Variants in PLCE1 observed in about 807,000 individuals in gnomAD.
PLCE1 encodes phospholipase C epsilon 1, also known as 1-phosphatidylinositol 4,5-bisphosphate phosphodiesterase epsilon-1.
A neutral mutation model predicts 242.8 loss-of-function variants in PLCE1; 119 were observed. The ratio of observed to expected loss-of-function variants is 0.49; its 90% CI spans 0.42 to 0.57. The LOEUF (loss-of-function observed/expected upper bound fraction) is 0.57. Among genes scored for constraint, PLCE1 ranks in the 20% least tolerant of loss-of-function variants. PLCE1 has a pLI of 0.00. For synonymous variants in PLCE1, 945 were observed against 1,017.4 expected, an observed-to-expected ratio of 0.93 and a Z score of 1.35; for missense variants, 2,441 against 2,788.8, an observed-to-expected ratio of 0.88 and a Z score of 2.81.
In PLCE1 at chr10:94,246,637, A is replaced by C; in HGVS notation, c.3096+16A>C. On this transcript the variant is annotated intron_variant, in intron 8 of 32. Transcript: ENST00000371380. Reference sequence around the variant, plus strand: ...CCTTTATCAGGTAAGGGGTGCAGCCATCCCTCTTTCCTCACTGGCATAATA... The same window carrying C: ...CCTTTATCAGGTAAGGGGTGCAGCCCTCCCTCTTTCCTCACTGGCATAATA... 1.9e-6 allele frequency: 3 copies of C among 1,609,980 alleles called. No individual in the cohort carries two copies. The highest frequency in any genetic ancestry group is 2.5e-6 in the Non-Finnish European group (3 of 1,177,802).
At chr10:94,054,651 T>C (rs902074978) in intron 2 of PLCE1, among the ~76,000 whole-genome samples, 4 of 152,206 alleles carry the variant, frequency 2.6e-5, no homozygotes, top group African/African-American at 7.2e-5. Flanking sequence ...CATTCCCTTA[T>C]AGTGCTTTAC....
At chr10:94,100,923 G>A (rs1321466495) in intron 2 of PLCE1, among the ~76,000 whole-genome samples, 3 of 152,152 alleles carry the variant, frequency 2.0e-5, no homozygotes, top group African/African-American at 7.2e-5. Flanking sequence ...CCTCCAGGAA[G>A]CATTTAGAGA....
At chr10:94,197,168 A>C (rs1564779286) in intron 4 of PLCE1, among the ~76,000 whole-genome samples, 1 of 152,200 alleles carries the variant, frequency 6.6e-6, no homozygotes, top group African/African-American at 2.4e-5. Context: ...ATGAATCAGT[A>C]CTTCATTTCT....
At chr10:94,294,479 G>A (rs542556566) in intron 23 of PLCE1, among the ~76,000 whole-genome samples, 7 of 152,168 alleles carry the variant, frequency 4.6e-5, no homozygotes, top group East Asian at 1.9e-4. Context: ...GGCATACTTC[G>A]GAGATATTGC....
intron 2 of PLCE1, among the ~76,000 whole-genome samples, chr10:94,077,276 A>T (rs1028324137): frequency 6.6e-6 from 1 of 152,182 alleles, no homozygotes; most frequent in Non-Finnish European, 1.5e-5. Flanking sequence ...ACTGGCATCT[A>T]ATGGGTAGTG....
chr10:94,061,599 C>T (rs2044057767), intron 2 of PLCE1, among the ~76,000 whole-genome samples: 1 of 151,902 alleles, frequency 6.6e-6, no homozygotes, highest in Admixed American at 6.6e-5. Flanking sequence ...ATAGTCCCAG[C>T]ACTTTAGGAG....
intron 20 of PLCE1, 94 bp downstream of exon 20, chr10:94,280,005 C>T (rs975204900): frequency 8.0e-7 from 1 of 1,251,252 alleles, no homozygotes; most frequent in African/African-American, 1.5e-5. Context: ...CGCCAAAGAC[C>T]AGTAATACGG....
chr10:94,052,751 C>T (rs1191888033), intron 2 of PLCE1, among the ~76,000 whole-genome samples: 3 of 152,140 alleles, frequency 2.0e-5, no homozygotes, highest in Admixed American at 6.5e-5. Context: ...AGGTAGTGAG[C>T]ATCATATCTC....
At chr10:94,071,494 C>CATTTTTTTTT (rs2044351149) in intron 2 of PLCE1, among the ~76,000 whole-genome samples, 2 of 69,212 alleles carry the variant, frequency 2.9e-5, no homozygotes, top group African/African-American at 2.3e-4. Context: ...GTTTGGTTTT[C>CATTTTTTTTT]GTTTTTTTTT....
At chr10:94,185,353 A>G (rs2048440940) in intron 4 of PLCE1, among the ~76,000 whole-genome samples, 1 of 152,214 alleles carries the variant, frequency 6.6e-6, no homozygotes, top group African/African-American at 2.4e-5. Context: ...AAAATTAGCC[A>G]GGCATGGTAG....
chr10:94,130,949 C>G (rs2046582356), intron 2 of PLCE1, among the ~76,000 whole-genome samples: 1 of 152,184 alleles, frequency 6.6e-6, no homozygotes, highest in Non-Finnish European at 1.5e-5. Flanking sequence ...AGGAGGTGAC[C>G]TTCATTTCCA....
intron 1 of PLCE1, among the ~76,000 whole-genome samples, chr10:94,029,538 G>A (rs1246758597): frequency 6.6e-6 from 1 of 152,134 alleles, no homozygotes; most frequent in Non-Finnish European, 1.5e-5. Flanking sequence ...TTGTTAGGAT[G>A]TTGAGCTAGG....
At chr10:94,004,201 G>A (rs1480099331) in intron 1 of PLCE1, among the ~76,000 whole-genome samples, 1 of 151,852 alleles carries the variant, frequency 6.6e-6, no homozygotes, top group African/African-American at 2.4e-5. Flanking sequence ...TTCCTCCCAA[G>A]ACAGGCAGAA....
chr10:94,164,872 A>C (rs538632367), intron 3 of PLCE1, among the ~76,000 whole-genome samples: 1 of 152,294 alleles, frequency 6.6e-6, no homozygotes, highest in East Asian at 1.9e-4. Flanking sequence ...CCTCAGCTGC[A>C]GGTCTGTTGG....
chr10:94,288,563 G>T (rs1258193728), intron 22 of PLCE1, among the ~76,000 whole-genome samples: 1 of 152,200 alleles, frequency 6.6e-6, no homozygotes, highest in African/African-American at 2.4e-5. Flanking sequence ...GGAAGGCACT[G>T]GGAGGTCCTG....
chr10:94,243,032 T>C (rs1337951290), intron 7 of PLCE1, among the ~76,000 whole-genome samples: 3 of 152,166 alleles, frequency 2.0e-5, no homozygotes, highest in Non-Finnish European at 4.4e-5. Flanking sequence ...AAGAGTGAGT[T>C]GGGCATGGTG....
intron 27 of PLCE1, among the ~76,000 whole-genome samples, chr10:94,310,277 T>C (rs1259021583): frequency 6.6e-6 from 1 of 152,210 alleles, no homozygotes; most frequent in Non-Finnish European, 1.5e-5. Flanking sequence ...GCCCTTCTCC[T>C]GCCCTCACCA....
At chr10:93,995,718 AC>A (rs1418673948) in intron 1 of PLCE1, among the ~76,000 whole-genome samples, 1 of 152,198 alleles carries the variant, frequency 6.6e-6, no homozygotes, top group African/African-American at 2.4e-5. Flanking sequence ...TTCCCTTTAT[AC>A]CCAGGAGCCA....
chr10:94,130,593 G>T (rs1356193112), intron 2 of PLCE1, among the ~76,000 whole-genome samples: 1 of 152,208 alleles, frequency 6.6e-6, no homozygotes, highest in Non-Finnish European at 1.5e-5. Flanking sequence ...CTGACCTCAT[G>T]TACCTGACCC....
Sources: allele counts gnomAD v4.1 joint callset (sites outside exome capture counted in the v4.1 genomes callset), GRCh38; gene constraint gnomAD v4.1.1; transcripts MANE v1.5; gene names NCBI Gene and HGNC (gene_info 2026-07-23, HGNC 2026-07-21).